EPHA4: variants seen among roughly 807,000 people sequenced by gnomAD.
EPHA4 encodes the protein EPH receptor A4.
EPHA4 carries 19 observed loss-of-function variants against 108.3 expected under a neutral mutation model. That is an observed-to-expected ratio of 0.18 (90% CI 0.12 to 0.26). EPHA4 has a LOEUF of 0.26. Among genes scored for constraint, EPHA4 ranks in the 10% least tolerant of loss-of-function variants. EPHA4 has a pLI of 1.00. For missense variants in EPHA4, 917 were observed against 1,254.0 expected, an observed-to-expected ratio of 0.73 and a Z score of 4.06; for synonymous variants, 449 against 455.5, an observed-to-expected ratio of 0.99 and a Z score of 0.18.
chr2:221,545,170 G>T (rs1228049688), intron 3 of EPHA4, among the ~76,000 whole-genome samples: 1 of 152,102 alleles, frequency 6.6e-6, no homozygotes, highest in Non-Finnish European at 1.5e-5. Context: ...AGGTATGGCC[G>T]GGCGCGGTGG....
chr2:221,514,179 C>T (rs1466032964), intron 3 of EPHA4, among the ~76,000 whole-genome samples: 1 of 151,972 alleles, frequency 6.6e-6, no homozygotes, highest in Non-Finnish European at 1.5e-5. Context: ...GAATCGGCAG[C>T]CGAAATACAC....
chr2:221,435,633 T>A (rs1690207540), intron 13 of EPHA4, among the ~76,000 whole-genome samples: 2 of 152,212 alleles, frequency 1.3e-5, no homozygotes, highest in African/African-American at 4.8e-5. Flanking sequence ...GGCCAATAAC[T>A]GTTTTATGAT....
In EPHA4 at chr2:221,426,156, G is replaced by C. The variant is rs761557412; in HGVS notation, c.2847-14C>G. 1 of 1,601,116 alleles carries C rather than the reference G, an allele frequency of 6.2e-7. No homozygotes were observed. Among genetic ancestry groups the C allele is most frequent in the Non-Finnish European group, 8.5e-7 (1 of 1,169,966 alleles). The stretch of plus-strand genomic sequence containing the variant: ...CTTGCCAGGTCCCTGTACATAGGGC[G>C]ACAAAAAAGGGACAGAAGAAGTCAC... On this transcript the variant is annotated splice_polypyrimidine_tract_variant and intron_variant, in intron 16 of 17. Coordinates refer to ENST00000281821, the MANE Select transcript of EPHA4 (RefSeq NM_004438.5).
intron 4 of EPHA4, among the ~76,000 whole-genome samples, chr2:221,489,236 TATG>T (rs1692070428): frequency 6.6e-6 from 1 of 152,240 alleles, no homozygotes; most frequent in Non-Finnish European, 1.5e-5. Flanking sequence ...GAAAACCTGC[TATG>T]ATAATTGCGT....
At chr2:221,531,092 G>C (rs1266768607) in intron 3 of EPHA4, among the ~76,000 whole-genome samples, 1 of 151,890 alleles carries the variant, frequency 6.6e-6, no homozygotes, top group African/African-American at 2.4e-5. Flanking sequence ...AAACAAATAC[G>C]CTCTAAGACT....
chr2:221,535,528 C>T (rs903163444), intron 3 of EPHA4, among the ~76,000 whole-genome samples: 2 of 152,202 alleles, frequency 1.3e-5, no homozygotes, highest in Non-Finnish European at 2.9e-5. Context: ...CCCTAAACCA[C>T]CTATCTACAA....
At chr2:221,498,577 A>G (rs973218891) in intron 4 of EPHA4, among the ~76,000 whole-genome samples, 3 of 152,044 alleles carry the variant, frequency 2.0e-5, no homozygotes, top group Non-Finnish European at 2.9e-5. Flanking sequence ...AAAGAAAGAA[A>G]GCAAAAACAA....
chr2:221,461,953 C>T (rs2288626), intron 5 of EPHA4, among the ~76,000 whole-genome samples: 72,594 of 150,576 alleles, frequency 0.48, 18,362 homozygotes, highest in Non-Finnish European at 0.56. Context: ...GAAGCAAAGC[C>T]AGGAAGAAGC....
At chr2:221,550,351 A>G (rs1694119447) in intron 3 of EPHA4, among the ~76,000 whole-genome samples, 1 of 151,374 alleles carries the variant, frequency 6.6e-6, no homozygotes, top group Non-Finnish European at 1.5e-5. Context: ...TACAGTGCTA[A>G]TTTTTTAATG....
chr2:221,487,709 AT>A (rs1339616907), intron 4 of EPHA4, among the ~76,000 whole-genome samples: 2 of 152,202 alleles, frequency 1.3e-5, no homozygotes, highest in Non-Finnish European at 2.9e-5. Flanking sequence ...CCAACCTCAT[AT>A]AAATTAATCA....
chr2:221,469,042 G>A (rs1285735734), intron 5 of EPHA4, among the ~76,000 whole-genome samples: 1 of 152,180 alleles, frequency 6.6e-6, no homozygotes, highest in African/African-American at 2.4e-5. Context: ...TAATACTAAC[G>A]ATCTCTTCCA....
intron 11 of EPHA4, among the ~76,000 whole-genome samples, chr2:221,439,330 C>G (rs374600984): frequency 7.7e-6 from 1 of 129,426 alleles, no homozygotes; most frequent in Non-Finnish European, 1.7e-5. Flanking sequence ...GTTTTCTACT[C>G]AAAAAAAAAA....
intron 1 of EPHA4, among the ~76,000 whole-genome samples, chr2:221,570,126 A>C (rs1251693623): frequency 6.6e-6 from 1 of 152,060 alleles, no homozygotes. Flanking sequence ...CCCAATTTAC[A>C]AAAAAAGGAG....
At chr2:221,485,437 A>G (rs1451747292) in intron 4 of EPHA4, among the ~76,000 whole-genome samples, 1 of 152,224 alleles carries the variant, frequency 6.6e-6, no homozygotes, top group Non-Finnish European at 1.5e-5. Context: ...ATTCAAGTTC[A>G]GTGCTGGTAA....
intron 3 of EPHA4, among the ~76,000 whole-genome samples, chr2:221,550,870 T>C: frequency 6.6e-6 from 1 of 152,012 alleles, no homozygotes; most frequent in East Asian, 1.9e-4. Flanking sequence ...ATATTAGATC[T>C]CATAAATACA....
rs1290747995 is a variant in EPHA4 at position 221,572,288 on chromosome 2, C to T, written c.-40G>A. ...AACGCTGCTCCTGCCGCTTCTATCC[C>T]AGTGGAATAAATGCTTAAGTTAGGA... On this transcript the variant is annotated 5_prime_UTR_variant, in exon 1 of 18. Transcript: ENST00000281821. The T allele has an allele frequency of 1.9e-6, 3 of 1,547,166 alleles. No homozygotes were observed. Among genetic ancestry groups the T allele is most frequent in the Middle Eastern group, 1.7e-4 (1 of 5,936 alleles).
intron 3 of EPHA4, among the ~76,000 whole-genome samples, chr2:221,513,185 C>A (rs6436268): frequency 0.35 from 52,433 of 151,976 alleles, 11,004 homozygotes; most frequent in African/African-American, 0.6. Context: ...CAAGAATCCT[C>A]TTTTGAGGGA....
Position 221,419,420 on chromosome 2 carries a change from A to C in EPHA4, c.*1952T>G, listed in dbSNP as rs943993514. 18 of 152,640 alleles carry C rather than the reference A, an allele frequency of 1.2e-4. No homozygotes were observed. The highest frequency in any genetic ancestry group is 1.5e-5 in the Non-Finnish European group (1 of 68,034). 9.5% of individuals were successfully genotyped at this position (152,640 alleles called of 1,614,324 possible). A position where few individuals can be genotyped will look rare whatever the true frequency, so the allele number is the denominator to read the frequency against. Reference sequence around the variant, plus strand: ...ACAAAGTATTAATCCAGGACACACCATCTCAAAGCTGACACACATATCTAC... The same window carrying C: ...ACAAAGTATTAATCCAGGACACACCCTCTCAAAGCTGACACACATATCTAC... On this transcript the variant is annotated 3_prime_UTR_variant, in exon 18 of 18. Transcript: ENST00000281821.
chr2:221,427,814 A>C (rs1232864348), intron 15 of EPHA4, among the ~76,000 whole-genome samples: 1 of 152,198 alleles, frequency 6.6e-6, no homozygotes, highest in East Asian at 1.9e-4. Flanking sequence ...GAATTAATCC[A>C]ATTCGATTTT....
Sources: gnomAD v4.1 joint callset for allele counts (sites outside exome capture counted in the v4.1 genomes callset) on GRCh38, gnomAD v4.1.1 for gene constraint, MANE v1.5 for transcripts, NCBI Gene and HGNC (gene_info 2026-07-23, HGNC 2026-07-21) for gene names.